The following COL6A3 variants were observed in gnomAD, a reference collection of about 807,000 sequenced individuals.
COL6A3 encodes collagen alpha-3(VI) chain.
COL6A3 carries 137 observed loss-of-function variants against 274.1 expected under a neutral mutation model. That is an observed-to-expected ratio of 0.50 (90% CI 0.44 to 0.58). The LOEUF (loss-of-function observed/expected upper bound fraction) is 0.58. COL6A3 is among the 20% of genes least tolerant of loss of function. The pLI is 0.00. For synonymous variants in COL6A3, 1,650 were observed against 1,650.6 expected, an observed-to-expected ratio of 1.00 and a Z score of 0.01; for missense variants, 3,950 against 4,124.9, an observed-to-expected ratio of 0.96 and a Z score of 1.16.
chr2:237,399,604 T>C (rs2078538857), intron 1 of COL6A3, among the ~76,000 whole-genome samples: 1 of 152,208 alleles, frequency 6.6e-6, no homozygotes, highest in Non-Finnish European at 1.5e-5. Flanking sequence ...TCTGGAACAG[T>C]TACAATATAC....
intron 40 of COL6A3, 32 bp downstream of exon 40, chr2:237,336,103 C>G (rs1700527246): frequency 6.2e-7 from 1 of 1,612,552 alleles, no homozygotes; most frequent in African/African-American, 1.3e-5. Flanking sequence ...GAGGATGTCA[C>G]AAGATGGCAG....
rs1425012495 is a variant in COL6A3, at chr2:237,407,668, C to T, written c.-31+6285G>A. ...TGAAAAAATTACTTTAAAACATATT[C>T]CTAGCATTGCAGATAATAACCATGA... On this transcript the variant is annotated intron_variant, in intron 1 of 43. Coordinates refer to ENST00000295550, the MANE Select transcript of COL6A3 (RefSeq NM_004369.4). This position sits in a 1 kb window ranked among gnomAD's most constrained non-coding sequence, Gnocchi z 4.3. Among the ~76,000 whole-genome samples the T allele has an allele frequency of 1.3e-5, 2 of 152,204 alleles. No homozygotes were observed. The highest frequency in any genetic ancestry group is 4.8e-5 in the African/African-American group (2 of 41,446).
intron 24 of COL6A3, among the ~76,000 whole-genome samples, chr2:237,354,119 C>G (rs2077265831): frequency 6.6e-6 from 1 of 150,778 alleles, no homozygotes; most frequent in African/African-American, 2.4e-5. Context: ...TCAAGTGATT[C>G]TCTTGCCTCA....
intron 36 of COL6A3, chr2:237,343,720 C>A: frequency 6.2e-6 from 1 of 160,094 alleles, no homozygotes; most frequent in South Asian, 1.8e-4. Flanking sequence ...TTTTGGGGAC[C>A]TCACTGAGAG....
rs375151852 is a variant in COL6A3, at chr2:237,366,652, G to A, written c.5500+35C>T. 18 of 1,614,170 alleles carry A rather than the reference G, an allele frequency of 1.1e-5. No individual in the cohort carries two copies. The African/African-American group carries it at 2.3e-4, about 20-fold the overall frequency. Reference sequence around the variant, plus strand: ...GCTAAAGAGGCACAAATGTCAACAGGAAAGGATGGAAAATATGCACATAAT... The same window carrying A: ...GCTAAAGAGGCACAAATGTCAACAGAAAAGGATGGAAAATATGCACATAAT... On this transcript the variant is annotated intron_variant, in intron 11 of 43. Transcript: ENST00000295550.
intron 42 of COL6A3, among the ~76,000 whole-genome samples, chr2:237,331,561 C>A (rs1371936440): frequency 6.6e-6 from 1 of 151,946 alleles, no homozygotes; most frequent in Admixed American, 6.6e-5. Context: ...CAATTGCTTT[C>A]GCACCAACCT....
chr2:237,353,270 T>G (rs1009421365), intron 25 of COL6A3, 71 bp downstream of exon 25: 1 of 1,464,494 alleles, frequency 6.8e-7, no homozygotes, highest in Non-Finnish European at 9.5e-7. Flanking sequence ...CGGATATAAA[T>G]GCCACCCAAT....
chr2:237,334,485 T>A, intron 41 of COL6A3, 141 bp downstream of exon 41: 1 of 888,162 alleles, frequency 1.1e-6, no homozygotes, highest in Non-Finnish European at 1.8e-6. Context: ...CCAGGCTGAG[T>A]TGTTTTGTTG....
At chr2:237,358,731 AT>A in intron 20 of COL6A3, 148 bp from the exon 21 acceptor site, 1 of 825,212 alleles carries the variant, frequency 1.2e-6, no homozygotes, top group East Asian at 2.5e-5. Context: ...ACTTCCACAT[AT>A]TTTTCATTCG....
intron 4 of COL6A3, among the ~76,000 whole-genome samples, chr2:237,384,607 C>T (rs1202592309): frequency 6.6e-6 from 1 of 152,132 alleles, no homozygotes; most frequent in Non-Finnish European, 1.5e-5. Flanking sequence ...GAGACCTGTG[C>T]CTGCCCACCA....
rs1574948231 is a variant in COL6A3 at position 237,344,613 on chromosome 2, G to A, written c.7405C>T (p.Leu2469Phe). ...TGAAGGTTCTTAATCTTGTCCAGGA[G>A]GACCGACTTCCTCTTGGAGTCAGCA... is the stretch of plus-strand genomic sequence containing the variant. ...RFADSKRKSV[L>F]LDKIKNLQVA... is the part of the protein sequence containing the mutation. The change falls in exon 36 of 44, where the codon CTC (leucine) becomes TTC (phenylalanine). Residue 2469 changes from leucine to phenylalanine, a missense_variant. Leu to Phe is a conservative substitution (Grantham distance 22, BLOSUM62 0). Coordinates refer to ENST00000295550, the MANE Select transcript of COL6A3 (RefSeq NM_004369.4). The surrounding 1 kb of genome is among the most constrained non-coding windows in gnomAD (Gnocchi z 4.8). 7 of 1,614,208 alleles carry A rather than the reference G, an allele frequency of 4.3e-6. No homozygotes were observed. The highest frequency in any genetic ancestry group is 5.9e-6 in the Non-Finnish European group (7 of 1,180,042).
Position 237,340,831 on chromosome 2 carries a change from C to G in COL6A3, c.8085G>C (p.Lys2695Asn). ...VEFSLTDYGS[K>N]EKLVDFLSRG... Reference sequence around the variant, plus strand: ...TGCTGAGGAAGTCCACCAGCTTCTCCTTGGAGCCATAGTCAGTCAGGGAGA... The same window carrying G: ...TGCTGAGGAAGTCCACCAGCTTCTCGTTGGAGCCATAGTCAGTCAGGGAGA... Residue 2695 changes from lysine (K) to asparagine (N), a missense_variant, in exon 38 of 44, where the codon AAG becomes AAC. Coordinates refer to ENST00000295550, the MANE Select transcript of COL6A3 (RefSeq NM_004369.4). 1 of 1,614,198 alleles carries G rather than the reference C, an allele frequency of 6.2e-7. No individual in the cohort carries two copies. Among genetic ancestry groups the G allele is most frequent in the Non-Finnish European group, 8.5e-7 (1 of 1,180,040 alleles).
intron 42 of COL6A3, chr2:237,328,478 C>T (rs1559184262): frequency 6.6e-6 from 1 of 152,276 alleles, no homozygotes; most frequent in Admixed American, 6.5e-5. Flanking sequence ...CACCTTCCCA[C>T]AAGCAATAAT....
chr2:237,382,247 G>A (rs1408156790), intron 4 of COL6A3, among the ~76,000 whole-genome samples: 2 of 152,044 alleles, frequency 1.3e-5, no homozygotes, highest in Admixed American at 6.6e-5. Flanking sequence ...GCCGAGCGTG[G>A]GGGCAGACAC....
chr2:237,371,275 C>T lies in COL6A3; in HGVS notation c.4285+457G>A, dbSNP rs1383522351. On this transcript the variant is annotated intron_variant, in intron 9 of 43. Transcript: ENST00000295550. This position sits in a 1 kb window ranked among gnomAD's most constrained non-coding sequence, Gnocchi z 4.3. ...CCAACTTGTTCAGTCGCAGGTGTGT[C>T]CTGGTGGGGTCTGGCTGGTGGGCAT... Among the ~76,000 whole-genome samples, 1 of 152,118 alleles carries T rather than the reference C, an allele frequency of 6.6e-6. No homozygotes were observed. Among genetic ancestry groups the T allele is most frequent in the Non-Finnish European group, 1.5e-5 (1 of 68,022 alleles).
rs1450880573 is a variant in COL6A3, at chr2:237,374,274, T to C, written c.3679+138A>G. On this transcript the variant is annotated intron_variant, in intron 8 of 43. Coordinates refer to ENST00000295550, the MANE Select transcript of COL6A3 (RefSeq NM_004369.4). This position sits in a 1 kb window ranked among gnomAD's most constrained non-coding sequence, Gnocchi z 4.8. ...TCGAGGCCAAAAAGGGCATGTGGGTTCCTAAATTTTCCTGTAATTTTAGTT... is the reference window on the plus strand; with the variant it reads ...TCGAGGCCAAAAAGGGCATGTGGGTCCCTAAATTTTCCTGTAATTTTAGTT... 2.9e-5 allele frequency: 35 copies of C among 1,223,156 alleles called. 1 individual carries two copies. In the East Asian group the frequency reaches 6.8e-4, roughly 24 times the overall value. The allele number at this position is 1,223,156 out of a possible 1,614,324, so 75.8% of individuals were successfully genotyped here.
intron 41 of COL6A3, 121 bp downstream of exon 41, chr2:237,334,504 GT>G: frequency 9.1e-7 from 1 of 1,102,478 alleles, no homozygotes; most frequent in East Asian, 2.5e-5. Flanking sequence ...TGTTGTTGCT[GT>G]TGTTGTTTTT....
At chr2:237,400,937 C>T (rs887337832) in intron 1 of COL6A3, among the ~76,000 whole-genome samples, 1 of 152,078 alleles carries the variant, frequency 6.6e-6, no homozygotes, top group African/African-American at 2.4e-5. Flanking sequence ...GTATGAAAAC[C>T]AATCAATGTG....
In COL6A3 at chr2:237,411,168, T is replaced by C. The variant is rs923345036; in HGVS notation, c.-31+2785A>G. Reference sequence around the variant, plus strand: ...CCTGGTACACAACATCCCTGTCAGATGGAAACCGCCTGCAATCCTTCCCCC... The same window carrying C: ...CCTGGTACACAACATCCCTGTCAGACGGAAACCGCCTGCAATCCTTCCCCC... On this transcript the variant is annotated intron_variant, in intron 1 of 43. Coordinates refer to ENST00000295550, the MANE Select transcript of COL6A3 (RefSeq NM_004369.4). Among the ~76,000 whole-genome samples, 4 of 152,330 alleles carry C rather than the reference T, an allele frequency of 2.6e-5. No homozygotes were observed. The East Asian group carries it at 7.7e-4, about 29-fold the overall frequency.
Sources: gnomAD v4.1 joint callset for allele counts (sites outside exome capture counted in the v4.1 genomes callset) on GRCh38, gnomAD v4.1.1 for gene constraint, Gnocchi (gnomAD v3.1) non-coding constraint, MANE v1.5 for transcripts, NCBI Gene and HGNC (gene_info 2026-07-23, HGNC 2026-07-21) for gene names.